The following ERBB4 variants were observed in gnomAD, a reference collection of about 807,000 sequenced individuals.
The protein encoded by ERBB4 is receptor tyrosine-protein kinase erbB-4.
ERBB4 carries 42 observed loss-of-function variants against 158.0 expected under a neutral mutation model. The ratio of observed to expected loss-of-function variants is 0.27; its 90% CI spans 0.21 to 0.34. The LOEUF (loss-of-function observed/expected upper bound fraction) is 0.34, where lower values mean the gene tolerates loss of function less well. ERBB4 is among the 10% of genes least tolerant of loss of function. The pLI, the probability that ERBB4 is intolerant of heterozygous loss-of-function variation, is 1.00. For missense variants in ERBB4, 1,333 were observed against 1,624.1 expected (o/e 0.82, Z 3.08); for synonymous variants, 583 against 558.7 (o/e 1.04, Z -0.61).
At chr2:211,738,473 A>G (rs1165947601) in intron 5 of ERBB4, among the ~76,000 whole-genome samples, 1 of 147,588 alleles carries the variant, frequency 6.8e-6, no homozygotes, top group East Asian at 2.0e-4. Flanking sequence ...GGTTCAAGGG[A>G]TTCTCCTGCC....
At chr2:212,108,234 G>C (rs1297595416) in intron 2 of ERBB4, among the ~76,000 whole-genome samples, 1 of 151,946 alleles carries the variant, frequency 6.6e-6, no homozygotes, top group African/African-American at 2.4e-5. Flanking sequence ...TTATATGTAG[G>C]GTACCCAAAA....
At chr2:211,773,645 TATA>T (rs1559506496) in intron 4 of ERBB4, among the ~76,000 whole-genome samples, 41 of 85,292 alleles carry the variant, frequency 4.8e-4, no homozygotes, top group African/African-American at 1.7e-3. Flanking sequence ...TATATATATA[TATA>T]ATATATATAC....
intron 12 of ERBB4, 39 bp downstream of exon 12, chr2:211,701,928 T>A (rs369863807): frequency 3.4e-6 from 5 of 1,486,052 alleles, no homozygotes; most frequent in East Asian, 2.3e-5. Flanking sequence ...GGAAAAAATT[T>A]AAGTTTCTAT....
At chr2:211,723,833 G>A (rs1468673679) in intron 6 of ERBB4, among the ~76,000 whole-genome samples, 1 of 152,158 alleles carries the variant, frequency 6.6e-6, no homozygotes, top group Non-Finnish European at 1.5e-5. Context: ...ACAAAACAAT[G>A]TAACTTACAC....
At chr2:212,279,792 C>T (rs1486021542) in intron 1 of ERBB4, among the ~76,000 whole-genome samples, 1 of 151,302 alleles carries the variant, frequency 6.6e-6, no homozygotes, top group African/African-American at 2.4e-5. Context: ...ATTCCAACGT[C>T]GTGAATGTAT....
chr2:211,990,296 T>C (rs989451043), intron 2 of ERBB4, among the ~76,000 whole-genome samples: 15 of 151,936 alleles, frequency 9.9e-5, no homozygotes, highest in Non-Finnish European at 1.6e-4. Context: ...GGGATTAAGA[T>C]AGTTAGGTCT....
intron 2 of ERBB4, among the ~76,000 whole-genome samples, chr2:212,097,415 T>G (rs2078963277): frequency 6.6e-6 from 1 of 152,146 alleles, no homozygotes; most frequent in African/African-American, 2.4e-5. Context: ...GGGAACTGAT[T>G]TGACTAAGGG....
At chr2:211,592,925 C>T (rs528900670) in intron 19 of ERBB4, among the ~76,000 whole-genome samples, 10 of 151,232 alleles carry the variant, frequency 6.6e-5, no homozygotes, top group Admixed American at 4.6e-4. Context: ...GCAGGAGAAT[C>T]GCTTGAACCG....
intron 1 of ERBB4, among the ~76,000 whole-genome samples, chr2:212,312,556 C>G (rs1353004718): frequency 1.3e-5 from 2 of 150,704 alleles, no homozygotes; most frequent in African/African-American, 4.9e-5. Context: ...AATCAATTGT[C>G]AAATTAAAAA....
intron 20 of ERBB4, among the ~76,000 whole-genome samples, chr2:211,436,165 A>G (rs2063848531): frequency 6.6e-6 from 1 of 152,176 alleles, no homozygotes; most frequent in Non-Finnish European, 1.5e-5. Flanking sequence ...ACTTTGGCAG[A>G]AAAAAACTAT....
rs181118074 is a variant in ERBB4, at chr2:211,535,117, T to G, written c.2487+26786A>C. Among the ~76,000 whole-genome samples the G allele has an allele frequency of 1.3e-3, 203 of 152,212 alleles. 1 individual carries two copies. The highest frequency in any genetic ancestry group is 2.2e-3 in the Non-Finnish European group (151 of 68,020). Reference sequence around the variant, plus strand: ...ACCTTTGTTTCCAACGGGGAAAATTTGATGTATTTGTTCTTTTAAGAGCTT... The same window carrying G: ...ACCTTTGTTTCCAACGGGGAAAATTGGATGTATTTGTTCTTTTAAGAGCTT... On this transcript the variant is annotated intron_variant, in intron 20 of 27. Transcript: ENST00000342788.
chr2:212,182,673 T>C (rs769192771), intron 1 of ERBB4, among the ~76,000 whole-genome samples: 17 of 152,024 alleles, frequency 1.1e-4, no homozygotes, highest in South Asian at 8.3e-4. Context: ...CCACCTTCAA[T>C]AAAATGAAGT....
At chr2:212,338,537 A>G (rs546334642) in intron 1 of ERBB4, among the ~76,000 whole-genome samples, 1 of 152,286 alleles carries the variant, frequency 6.6e-6, no homozygotes, top group Admixed American at 6.5e-5. Context: ...CTATTTTGTC[A>G]TCTTTCTCTT....
chr2:211,586,505 T>C (rs940335918), intron 19 of ERBB4, among the ~76,000 whole-genome samples: 3 of 152,202 alleles, frequency 2.0e-5, no homozygotes, highest in Non-Finnish European at 4.4e-5. Flanking sequence ...GTTCCTGCCA[T>C]ATCTTGTAGT....
intron 1 of ERBB4, among the ~76,000 whole-genome samples, chr2:212,440,132 T>A (rs1481571000): frequency 6.6e-6 from 1 of 152,214 alleles, no homozygotes; most frequent in Admixed American, 6.5e-5. Context: ...GTGTGATACT[T>A]AATACTGAGT....
At position 211,658,990 on chromosome 2, in the gene ERBB4, C is replaced by T. The variant is rs113407397; in HGVS notation, c.1872-1162G>A. ...TAGGATTTATAGAAGTGCCTTATTT[C>T]GCTGGTAATAAAGATTACATATATT... On this transcript the variant is annotated intron_variant, in intron 15 of 27. Transcript: ENST00000342788. 2.1e-3 allele frequency among the ~76,000 whole-genome samples: 319 copies of T among 152,078 alleles called. 3 individuals carry two copies. Among genetic ancestry groups the T allele is most frequent in the Admixed American group, 5.0e-3 (77 of 15,280 alleles).
chr2:211,531,016 T>C (rs2066484951), intron 20 of ERBB4, among the ~76,000 whole-genome samples: 1 of 152,108 alleles, frequency 6.6e-6, no homozygotes, highest in Admixed American at 6.5e-5. Context: ...TCCACACATC[T>C]ATAGTAAACT....
intron 19 of ERBB4, among the ~76,000 whole-genome samples, chr2:211,567,046 T>C (rs562919791): frequency 1.3e-5 from 2 of 152,318 alleles, no homozygotes; most frequent in East Asian, 3.9e-4. Flanking sequence ...CTATAATCCA[T>C]TGCAAAAGCA....
chr2:211,580,837 T>TA (rs376463638), intron 19 of ERBB4, among the ~76,000 whole-genome samples: 48,106 of 68,962 alleles, frequency 0.7, 19,811 homozygotes, highest in East Asian at 0.89. Context: ...TATATATAGA[T>TA]TATATATTAT....
Sources: allele counts gnomAD v4.1 joint callset (sites outside exome capture counted in the v4.1 genomes callset), GRCh38; gene constraint gnomAD v4.1.1; transcripts MANE v1.5; gene names NCBI Gene and HGNC (gene_info 2026-07-23, HGNC 2026-07-21).